BMPR2: variants seen among roughly 807,000 people sequenced by gnomAD.
The protein encoded by BMPR2 is bone morphogenetic protein receptor type 2.
In BMPR2, 29 loss-of-function variants were observed where a neutral mutation model predicts 100.8. The observed-to-expected ratio is 0.29, with a 90% CI of 0.21 to 0.39. The LOEUF is 0.39. Ranked by LOEUF, BMPR2 falls within the 10% of genes least tolerant of loss-of-function variation. BMPR2 has a pLI of 1.00. For missense variants in BMPR2, 1,011 were observed against 1,274.5 expected, an observed-to-expected ratio of 0.79 and a Z score of 3.15; for synonymous variants, 382 against 442.3, an observed-to-expected ratio of 0.86 and a Z score of 1.71.
chr2:202,434,144 A>G (rs1324677941), intron 1 of BMPR2, among the ~76,000 whole-genome samples: 1 of 150,608 alleles, frequency 6.6e-6, no homozygotes, highest in African/African-American at 2.5e-5. Context: ...GGCCAAAACC[A>G]TTGCACCCAA....
chr2:202,538,793 CAAAAAAAAA>C (rs34853164), intron 9 of BMPR2, among the ~76,000 whole-genome samples: 6 of 60,326 alleles, frequency 9.9e-5, no homozygotes, highest in South Asian at 1.1e-3. Context: ...GACTCTGTCT[CAAAAAAAAA>C]AAAAAAAAAA....
At chr2:202,489,727 CTTTG>C (rs1043637303) in intron 3 of BMPR2, among the ~76,000 whole-genome samples, 12 of 152,170 alleles carry the variant, frequency 7.9e-5, no homozygotes, top group African/African-American at 2.6e-4. Flanking sequence ...TTACAGACTC[CTTTG>C]TTTGGATAAA....
intron 1 of BMPR2, among the ~76,000 whole-genome samples, chr2:202,412,632 T>C (rs1285306967): frequency 6.6e-6 from 1 of 152,216 alleles, no homozygotes; most frequent in African/African-American, 2.4e-5. Context: ...TCTGTTATAC[T>C]TTAAAAAATA....
At chr2:202,547,140 C>T (rs886853236) in intron 10 of BMPR2, among the ~76,000 whole-genome samples, 4 of 152,022 alleles carry the variant, frequency 2.6e-5, no homozygotes, top group Non-Finnish European at 4.4e-5. Flanking sequence ...TTATAGGCCA[C>T]GTTTATTTTA....
At chr2:202,437,433 A>G (rs1330545575) in intron 1 of BMPR2, among the ~76,000 whole-genome samples, 1 of 150,668 alleles carries the variant, frequency 6.6e-6, no homozygotes, top group South Asian at 2.1e-4. Context: ...ATTCATATAT[A>G]CATTTTCTTT....
At chr2:202,390,495 C>T (rs1226644668) in intron 1 of BMPR2, among the ~76,000 whole-genome samples, 1 of 152,010 alleles carries the variant, frequency 6.6e-6, no homozygotes. Context: ...CCATGCCTGG[C>T]TAATTTTTGT....
intron 1 of BMPR2, among the ~76,000 whole-genome samples, chr2:202,439,718 G>A (rs1326265254): frequency 6.7e-6 from 1 of 148,360 alleles, no homozygotes; most frequent in Non-Finnish European, 1.5e-5. Context: ...CATTAAGTAT[G>A]CTGTTAGTTG....
chr2:202,545,544 AT>A (rs1298319254), intron 10 of BMPR2, among the ~76,000 whole-genome samples: 1 of 152,166 alleles, frequency 6.6e-6, no homozygotes, highest in East Asian at 1.9e-4. Flanking sequence ...TCACATTTCA[AT>A]TTTAGATTGT....
chr2:202,505,702 TAAAG>T (rs1021036087), intron 3 of BMPR2, among the ~76,000 whole-genome samples: 12 of 152,112 alleles, frequency 7.9e-5, no homozygotes, highest in African/African-American at 1.9e-4. Flanking sequence ...ATTTTATGGA[TAAAG>T]AAGTAAGAGC....
chr2:202,482,019 T>C (rs1269248232), intron 3 of BMPR2, among the ~76,000 whole-genome samples: 3 of 152,130 alleles, frequency 2.0e-5, no homozygotes, highest in Non-Finnish European at 2.9e-5. Context: ...AGCCACCCTC[T>C]ACTTTCTGTC....
intron 1 of BMPR2, among the ~76,000 whole-genome samples, chr2:202,412,595 A>G (rs1429334928): frequency 3.3e-5 from 5 of 152,222 alleles, no homozygotes; most frequent in African/African-American, 1.2e-4. Flanking sequence ...CTGGGATTAC[A>G]GGCGTGAGCC....
chr2:202,524,379 A>T (rs938067890), intron 7 of BMPR2, among the ~76,000 whole-genome samples: 7 of 146,934 alleles, frequency 4.8e-5, no homozygotes, highest in African/African-American at 7.5e-5. Context: ...AAAAAAAAAC[A>T]ACTACCTGTT....
In BMPR2 at chr2:202,552,000, G is replaced by A. The variant is rs556530965; in HGVS notation, c.1414-716G>A. Among the ~76,000 whole-genome samples, 6 of 152,072 alleles carry A rather than the reference G, an allele frequency of 3.9e-5. No homozygotes were observed. In the East Asian group the frequency reaches 5.8e-4, roughly 15 times the overall value. ...CTCCTAAGTAGCTGGGACTACAGGC[G>A]CATGCCACCACACCCAGCTGATTTT... is the stretch of plus-strand genomic sequence containing the variant. On this transcript the variant is annotated intron_variant, in intron 10 of 12. Coordinates refer to ENST00000374580, the MANE Select transcript of BMPR2 (RefSeq NM_001204.7).
rs932856049 is a variant in BMPR2 at position 202,539,478 on chromosome 2, A to T, written c.1277-2833A>T. Among the ~76,000 whole-genome samples the T allele has an allele frequency of 2.6e-5, 4 of 152,240 alleles. No individual in the cohort carries two copies. The South Asian group carries it at 8.3e-4, about 32-fold the overall frequency. ...GAAAAGAAAAAAGGATCATATAAAT[A>T]TATTAATAAACCTAGAGAATAGTGT... On this transcript the variant is annotated intron_variant, in intron 9 of 12. Coordinates refer to ENST00000374580, the MANE Select transcript of BMPR2 (RefSeq NM_001204.7).
At chr2:202,513,969 T>C (rs1687669492) in intron 4 of BMPR2, 140 bp downstream of exon 4, 1 of 624,958 alleles carries the variant, frequency 1.6e-6, no homozygotes, top group Non-Finnish European at 2.8e-6. Context: ...GTATCACGTA[T>C]GGACAGTATT....
intron 3 of BMPR2, among the ~76,000 whole-genome samples, chr2:202,473,915 G>T (rs933958614): frequency 1.3e-5 from 2 of 151,904 alleles, no homozygotes; most frequent in African/African-American, 4.8e-5. Flanking sequence ...GATCAGCTTG[G>T]CCAATATGGT....
intron 7 of BMPR2, among the ~76,000 whole-genome samples, chr2:202,522,592 G>A (rs1687837783): frequency 6.6e-6 from 1 of 151,974 alleles, no homozygotes; most frequent in Non-Finnish European, 1.5e-5. Context: ...CAATTTGGGA[G>A]GCCGAGGCAG....
chr2:202,442,448 G>T (rs1691768267), intron 1 of BMPR2, among the ~76,000 whole-genome samples: 1 of 149,734 alleles, frequency 6.7e-6, no homozygotes, highest in Admixed American at 6.6e-5. Context: ...TTAAACTATG[G>T]CAAATCATAT....
At chr2:202,535,369 G>GAT (rs1688129103) in intron 9 of BMPR2, among the ~76,000 whole-genome samples, 1 of 151,288 alleles carries the variant, frequency 6.6e-6, no homozygotes, top group African/African-American at 2.4e-5. Flanking sequence ...CTTCTCAGAC[G>GAT]GGGCGGCCGG....
Sources: allele counts gnomAD v4.1 joint callset (sites outside exome capture counted in the v4.1 genomes callset), GRCh38; gene constraint gnomAD v4.1.1; transcripts MANE v1.5; gene names NCBI Gene and HGNC (gene_info 2026-07-23, HGNC 2026-07-21).